CSMD1: variants seen among roughly 807,000 people sequenced by gnomAD.
CSMD1 encodes the protein CUB and sushi domain-containing protein 1.
A neutral mutation model predicts 417.5 loss-of-function variants in CSMD1; 213 were observed. That is an observed-to-expected ratio of 0.51 (90% CI 0.46 to 0.57). The LOEUF (loss-of-function observed/expected upper bound fraction) is 0.57. Ranked by LOEUF, CSMD1 falls within the 20% of genes least tolerant of loss-of-function variation. CSMD1 has a pLI of 0.00. For synonymous variants in CSMD1, 2,862 were observed against 1,736.8 expected (o/e 1.65, Z -16.11); for missense variants, 6,923 against 4,529.7 (o/e 1.53, Z -15.17).
chr8:2,987,325 G>C lies in CSMD1; in HGVS notation c.8378-8525C>G, dbSNP rs375993704. The stretch of plus-strand genomic sequence containing the variant: ...AGGCAGGTTATAAAAGAGTCCATAG[G>C]AATTATATGTAAGCTTATGTGTGTA... On this transcript the variant is annotated intron_variant, in intron 54 of 69. Coordinates refer to ENST00000635120, the MANE Select transcript of CSMD1 (RefSeq NM_033225.6). Among the ~76,000 whole-genome samples, 343 of 149,942 alleles carry C rather than the reference G, an allele frequency of 2.3e-3. 2 individuals carry two copies. The highest frequency in any genetic ancestry group is 3.8e-3 in the Non-Finnish European group (258 of 67,488).
At chr8:3,410,840 G>C (rs370960739) in intron 12 of CSMD1, among the ~76,000 whole-genome samples, 18 of 152,300 alleles carry the variant, frequency 1.2e-4, no homozygotes, top group South Asian at 4.1e-4. Context: ...TGGGGCTCGA[G>C]TGATCCTCCC....
chr8:3,364,907 T>C (rs746203115), intron 20 of CSMD1, among the ~76,000 whole-genome samples: 5 of 152,226 alleles, frequency 3.3e-5, no homozygotes, highest in Non-Finnish European at 7.3e-5. Flanking sequence ...GTCAGACCTG[T>C]GGTGAGGGCA....
chr8:3,768,341 C>G (rs1408832439), intron 5 of CSMD1, among the ~76,000 whole-genome samples: 1 of 152,190 alleles, frequency 6.6e-6, no homozygotes, highest in Non-Finnish European at 1.5e-5. Flanking sequence ...TGTGGAAGCT[C>G]ATCTTCAATA....
chr8:4,022,175 T>G (rs1307068642), intron 4 of CSMD1, among the ~76,000 whole-genome samples: 4 of 106,418 alleles, frequency 3.8e-5, no homozygotes, highest in African/African-American at 1.5e-4. Context: ...TATATATGTA[T>G]ATTTATGTGT....
chr8:2,976,983 G>T (rs1000716181), intron 55 of CSMD1, among the ~76,000 whole-genome samples: 1 of 150,634 alleles, frequency 6.6e-6, no homozygotes, highest in Non-Finnish European at 1.5e-5. Flanking sequence ...ATTTTTCAGA[G>T]CCATATCCCT....
At chr8:4,950,107 T>C (rs901950735) in intron 1 of CSMD1, among the ~76,000 whole-genome samples, 1 of 109,784 alleles carries the variant, frequency 9.1e-6, no homozygotes, top group Non-Finnish European at 2.1e-5. Flanking sequence ...AACATAGAAA[T>C]GTTTCATATG....
chr8:4,318,711 C>G (rs1410529199), intron 3 of CSMD1, among the ~76,000 whole-genome samples: 1 of 27,474 alleles, frequency 3.6e-5, no homozygotes, highest in Non-Finnish European at 1.7e-4. Flanking sequence ...ATTTTAAAAT[C>G]TCAAAAAAAA....
intron 3 of CSMD1, among the ~76,000 whole-genome samples, chr8:4,154,232 T>A (rs556674838): frequency 3.9e-5 from 6 of 152,032 alleles, no homozygotes; most frequent in Non-Finnish European, 8.8e-5. Flanking sequence ...AGTGTAAGCA[T>A]ACAATGAAAT....
chr8:4,815,464 G>C (rs1799149521), intron 1 of CSMD1, among the ~76,000 whole-genome samples: 2 of 152,002 alleles, frequency 1.3e-5, no homozygotes, highest in South Asian at 4.1e-4. Flanking sequence ...GGGAGGCTGA[G>C]GTGGGAGCAT....
chr8:3,608,482 G>A (rs114627599), intron 8 of CSMD1, among the ~76,000 whole-genome samples: 2,736 of 152,122 alleles, frequency 0.018, 79 homozygotes, highest in African/African-American at 0.062. Flanking sequence ...AAAAAAATAT[G>A]GCTGGGCGCT....
chr8:3,616,295 G>A lies in CSMD1; in HGVS notation c.1097+415C>T, dbSNP rs1802133137. On this transcript the variant is annotated intron_variant, in intron 8 of 69. Transcript: ENST00000635120. ...CTCATGTTAGTGAGTGAGTTCTCAT[G>A]AGATCTGATGGTTTTTTAAGAGGAT... is the stretch of plus-strand genomic sequence containing the variant. Among the ~76,000 whole-genome samples the A allele has an allele frequency of 4.6e-5, 7 of 152,210 alleles. No homozygotes were observed. The South Asian group carries it at 1.2e-3, about 27-fold the overall frequency.
intron 1 of CSMD1, among the ~76,000 whole-genome samples, chr8:4,872,863 C>T (rs992508415): frequency 3.9e-5 from 6 of 152,072 alleles, no homozygotes; most frequent in African/African-American, 1.5e-4. Context: ...TGGATATTGG[C>T]TCATACTGGA....
chr8:4,636,576 C>G (rs2130856816), intron 2 of CSMD1, among the ~76,000 whole-genome samples: 1 of 152,234 alleles, frequency 6.6e-6, no homozygotes, highest in South Asian at 2.1e-4. Context: ...TGTTCTTTTT[C>G]TCTCAAACTC....
At chr8:4,674,680 CA>C (rs1805560490) in intron 1 of CSMD1, among the ~76,000 whole-genome samples, 1 of 152,116 alleles carries the variant, frequency 6.6e-6, no homozygotes, top group Non-Finnish European at 1.5e-5. Flanking sequence ...ACAACAAAAA[CA>C]AACCCTAATA....
intron 3 of CSMD1, among the ~76,000 whole-genome samples, chr8:4,050,557 A>T (rs1469963449): frequency 1.3e-5 from 2 of 151,910 alleles, no homozygotes; most frequent in African/African-American, 4.9e-5. Context: ...TTCATGTTAC[A>T]AACAATCTAA....
At chr8:3,831,210 C>T (rs1428359117) in intron 5 of CSMD1, among the ~76,000 whole-genome samples, 1 of 152,128 alleles carries the variant, frequency 6.6e-6, no homozygotes, top group Admixed American at 6.6e-5. Context: ...TTCACAAAAG[C>T]ATGTGGAAAG....
At chr8:4,815,674 C>T (rs1458803117) in intron 1 of CSMD1, among the ~76,000 whole-genome samples, 1 of 95,316 alleles carries the variant, frequency 1.0e-5, no homozygotes, top group African/African-American at 4.4e-5. Context: ...CCAGCCTGGG[C>T]AACAAGACCA....
Position 3,308,732 on chromosome 8 carries a change from GTTTT to G in CSMD1, c.3632-233_3632-230del, listed in dbSNP as rs5888961. ...CTTATTTGTTCCTCCCTACTTACAAGTTTTTTTTTTTTTTTTTTTTTGCTTTTGT... is the reference window on the plus strand; with the variant it reads ...CTTATTTGTTCCTCCCTACTTACAAGTTTTTTTTTTTTTTTTTGCTTTTGT... On this transcript the variant is annotated intron_variant, in intron 23 of 69. Transcript: ENST00000635120. 8.7e-4 allele frequency among the ~76,000 whole-genome samples: 95 copies of G among 108,940 alleles called. 1 individual carries two copies. Among genetic ancestry groups the G allele is most frequent in the Admixed American group, 9.8e-4 (9 of 9,218 alleles). 71.5% of individuals were successfully genotyped at this position (108,940 alleles called of 152,430 possible).
At chr8:3,514,566 G>T (rs933960528) in intron 10 of CSMD1, among the ~76,000 whole-genome samples, 1 of 152,154 alleles carries the variant, frequency 6.6e-6, no homozygotes, top group Non-Finnish European at 1.5e-5. Flanking sequence ...ATAGTTGGGG[G>T]AATATTCCTA....
Sources: allele counts gnomAD v4.1 joint callset (sites outside exome capture counted in the v4.1 genomes callset), GRCh38; gene constraint gnomAD v4.1.1; transcripts MANE v1.5; gene names NCBI Gene and HGNC (gene_info 2026-07-23, HGNC 2026-07-21).